Variants in RBFOX1 observed in about 807,000 individuals in gnomAD.
The protein encoded by RBFOX1 is RNA binding fox-1 homolog 1, also known as RNA binding protein fox-1 homolog 1.
RBFOX1 carries 8 observed loss-of-function variants against 57.7 expected under a neutral mutation model. That is an observed-to-expected ratio of 0.14 (90% CI 0.08 to 0.25). RBFOX1 has a LOEUF of 0.25. RBFOX1 is among the 10% of genes least tolerant of loss of function. RBFOX1 has a pLI of 1.00. For synonymous variants in RBFOX1, 326 were observed against 222.4 expected, an observed-to-expected ratio of 1.47 and a Z score of -4.15; for missense variants, 611 against 548.5, an observed-to-expected ratio of 1.11 and a Z score of -1.14.
At chr16:6,333,263 T>G (rs1336005502) in intron 2 of RBFOX1, among the ~76,000 whole-genome samples, 1 of 152,176 alleles carries the variant, frequency 6.6e-6, no homozygotes, top group Non-Finnish European at 1.5e-5. Context: ...CAGGCTGGTC[T>G]TGAATTCCTG....
At chr16:5,689,649 G>A (rs564578104) in intron 3 of RBFOX1, among the ~76,000 whole-genome samples, 28 of 152,224 alleles carry the variant, frequency 1.8e-4, no homozygotes, top group African/African-American at 5.3e-4. Flanking sequence ...GAATTTCTGC[G>A]TTATGGTCAC....
intron 1 of RBFOX1, among the ~76,000 whole-genome samples, chr16:6,065,101 T>C (rs1437004798): frequency 6.6e-6 from 1 of 151,716 alleles, no homozygotes; most frequent in Non-Finnish European, 1.5e-5. Flanking sequence ...GATCCTGGCT[T>C]ACTGCAGCCT....
At chr16:6,789,687 T>C (rs1360935001) in intron 3 of RBFOX1, among the ~76,000 whole-genome samples, 1 of 152,196 alleles carries the variant, frequency 6.6e-6, no homozygotes, top group East Asian at 1.9e-4. Context: ...TTTTCATCCT[T>C]TTCTTGTTTC....
intron 4 of RBFOX1, among the ~76,000 whole-genome samples, chr16:5,984,233 TG>T (rs1339528322): frequency 7.4e-6 from 1 of 135,760 alleles, no homozygotes; most frequent in African/African-American, 2.8e-5. Context: ...TTCCTCCTCA[TG>T]GAACCAGGAG....
intron 4 of RBFOX1, among the ~76,000 whole-genome samples, chr16:7,064,370 T>C (rs1347728189): frequency 6.6e-6 from 1 of 152,080 alleles, no homozygotes; most frequent in Non-Finnish European, 1.5e-5. Context: ...GGTTTCACCA[T>C]GTTGCCCAGG....
chr16:6,884,243 G>A (rs1019402783), intron 3 of RBFOX1, among the ~76,000 whole-genome samples: 1 of 152,142 alleles, frequency 6.6e-6, no homozygotes, highest in Non-Finnish European at 1.5e-5. Context: ...GGGACCCAGG[G>A]AGCGTGGCAA....
At chr16:5,544,999 C>T (rs1340186846) in intron 2 of RBFOX1, among the ~76,000 whole-genome samples, 11 of 72,848 alleles carry the variant, frequency 1.5e-4, no homozygotes, top group Admixed American at 6.1e-4. Context: ...TTTTTTGATA[C>T]GGAGTCTCGC....
At chr16:6,954,827 G>A (rs1321170815) in intron 3 of RBFOX1, among the ~76,000 whole-genome samples, 1 of 152,090 alleles carries the variant, frequency 6.6e-6, no homozygotes, top group East Asian at 1.9e-4. Flanking sequence ...CATTTCTGTG[G>A]ATTAGCAACT....
chr16:7,220,291 C>T (rs1278793786), intron 4 of RBFOX1, among the ~76,000 whole-genome samples: 3 of 152,202 alleles, frequency 2.0e-5, no homozygotes, highest in Non-Finnish European at 2.9e-5. Flanking sequence ...TTTTTCCTGG[C>T]TCTGACATTT....
chr16:6,928,598 T>G (rs7184349), intron 3 of RBFOX1, among the ~76,000 whole-genome samples: 152,217 of 152,266 alleles, frequency 1, 76,084 homozygotes, highest in Middle Eastern at 1. Context: ...CAATGTGTCT[T>G]ACAGTTACCC....
intron 2 of RBFOX1, among the ~76,000 whole-genome samples, chr16:6,488,053 C>G (rs1444358622): frequency 6.6e-6 from 1 of 152,122 alleles, no homozygotes; most frequent in Non-Finnish European, 1.5e-5. Flanking sequence ...TCCACGCTTT[C>G]AATCCAATAC....
At chr16:6,907,611 C>T (rs564486668) in intron 3 of RBFOX1, among the ~76,000 whole-genome samples, 1 of 152,246 alleles carries the variant, frequency 6.6e-6, no homozygotes, top group East Asian at 1.9e-4. Flanking sequence ...ACTCTGGTTG[C>T]CCAGGCTGGA....
At chr16:7,562,807 C>T (rs548030847) in intron 5 of RBFOX1, among the ~76,000 whole-genome samples, 15 of 152,340 alleles carry the variant, frequency 9.8e-5, no homozygotes, top group East Asian at 3.9e-4. Context: ...GAGTTTGGAG[C>T]CAACAGGCAA....
At chr16:5,416,698 G>A (rs754344536) in intron 1 of RBFOX1, among the ~76,000 whole-genome samples, 12 of 148,856 alleles carry the variant, frequency 8.1e-5, no homozygotes, top group Non-Finnish European at 1.6e-4. Flanking sequence ...TTTTTCCTCT[G>A]GTCGTCTTCA....
intron 1 of RBFOX1, among the ~76,000 whole-genome samples, chr16:6,255,482 G>T (rs1443657115): frequency 6.6e-6 from 1 of 152,116 alleles, no homozygotes; most frequent in Non-Finnish European, 1.5e-5. Context: ...TGTATGAGAT[G>T]AGTGCATGCA....
At chr16:6,256,312 T>C (rs956066059) in intron 1 of RBFOX1, among the ~76,000 whole-genome samples, 125 of 142,332 alleles carry the variant, frequency 8.8e-4, no homozygotes, top group African/African-American at 2.7e-3. Context: ...TATATATATA[T>C]GTATATATAT....
intron 3 of RBFOX1, among the ~76,000 whole-genome samples, chr16:6,738,350 G>C (rs189308680): frequency 1.4e-4 from 21 of 152,244 alleles, no homozygotes; most frequent in Non-Finnish European, 2.4e-4. Context: ...TATTGAGGAA[G>C]TGGAACTGAG....
At chr16:6,455,153 A>T (rs1337957446) in intron 2 of RBFOX1, among the ~76,000 whole-genome samples, 1 of 151,016 alleles carries the variant, frequency 6.6e-6, no homozygotes, top group African/African-American at 2.4e-5. Context: ...CTGGCCTCCC[A>T]AAGTGCTGGG....
At chr16:5,332,257 C>CTTTAT (rs146069773) in intron 1 of RBFOX1, among the ~76,000 whole-genome samples, 18,363 of 151,652 alleles carry the variant, frequency 0.12, 1,267 homozygotes, top group East Asian at 0.27. Context: ...TCAAAGGAAA[C>CTTTAT]TTTATTTTAT....
Sources: allele counts gnomAD v4.1 joint callset (sites outside exome capture counted in the v4.1 genomes callset), GRCh38; gene constraint gnomAD v4.1.1; transcripts MANE v1.5; gene names NCBI Gene and HGNC (gene_info 2026-07-23, HGNC 2026-07-21).